Variants in NUDT9 observed in about 807,000 individuals in gnomAD.
NUDT9 encodes ADP-ribose pyrophosphatase.
NUDT9 carries 31 observed loss-of-function variants against 41.0 expected under a neutral mutation model. That is an observed-to-expected ratio of 0.76 (90% CI 0.57 to 1.02). The LOEUF (loss-of-function observed/expected upper bound fraction) is 1.02, where lower values mean the gene tolerates loss of function less well. Ranked by LOEUF, NUDT9 falls within the 50% of genes least tolerant of loss-of-function variation. The probability of loss-of-function intolerance (pLI) is 0.00; values close to 1 mark genes in which losing one functional copy is unlikely to be tolerated. For missense variants in NUDT9, 380 were observed against 431.4 expected, an observed-to-expected ratio of 0.88 and a Z score of 1.06; for synonymous variants, 146 against 147.6, an observed-to-expected ratio of 0.99 and a Z score of 0.08.
intron 1 of NUDT9, among the ~76,000 whole-genome samples, chr4:87,429,153 T>A (rs150794481): frequency 6.6e-6 from 1 of 151,960 alleles, no homozygotes; most frequent in African/African-American, 2.4e-5. Flanking sequence ...ATTAAAAAGG[T>A]TTCTTATTTT....
chr4:87,437,460 C>T (rs1227900117), intron 2 of NUDT9, among the ~76,000 whole-genome samples: 1 of 151,932 alleles, frequency 6.6e-6, no homozygotes, highest in Non-Finnish European at 1.5e-5. Context: ...CCTGCCTCAG[C>T]CTCCCGAGTA....
chr4:87,426,453 C>T (rs752764321), intron 1 of NUDT9, among the ~76,000 whole-genome samples: 7 of 151,430 alleles, frequency 4.6e-5, no homozygotes, highest in Non-Finnish European at 8.8e-5. Flanking sequence ...ACTGTCGCCC[C>T]AGCTGGTGTG....
At chr4:87,426,223 A>G (rs1211397351) in intron 1 of NUDT9, among the ~76,000 whole-genome samples, 8 of 152,100 alleles carry the variant, frequency 5.3e-5, no homozygotes, top group Admixed American at 5.2e-4. Context: ...TGATGTGTGT[A>G]GAATATTGTT....
intron 4 of NUDT9, among the ~76,000 whole-genome samples, chr4:87,447,441 T>C (rs974447715): frequency 6.6e-6 from 1 of 152,040 alleles, no homozygotes; most frequent in African/African-American, 2.4e-5. Flanking sequence ...GTAATACTTA[T>C]ATCATAGACC....
chr4:87,453,611 G>T (rs148332014), intron 6 of NUDT9, among the ~76,000 whole-genome samples: 10,619 of 151,822 alleles, frequency 0.07, 1,221 homozygotes, highest in African/African-American at 0.24. Flanking sequence ...TGTGTTTTTA[G>T]TAGAGACGAG....
intron 1 of NUDT9, among the ~76,000 whole-genome samples, chr4:87,424,413 G>A (rs889809425): frequency 1.3e-5 from 2 of 151,930 alleles, no homozygotes; most frequent in African/African-American, 2.4e-5. Flanking sequence ...GCGCGCGCAC[G>A]CCCGGCTAAT....
intron 4 of NUDT9, among the ~76,000 whole-genome samples, chr4:87,448,138 A>ATTTTTT (rs1213818782): frequency 2.1e-4 from 19 of 92,390 alleles, no homozygotes; most frequent in Non-Finnish European, 3.0e-4. Flanking sequence ...TTAAAAGCAA[A>ATTTTTT]TTTTTTTTTT....
In NUDT9 at chr4:87,438,150, A is replaced by C. The variant is rs527967538; in HGVS notation, c.348-127A>C. 35 of 490,532 alleles carry C rather than the reference A, an allele frequency of 7.1e-5. No individual in the cohort carries two copies. The South Asian group carries it at 1.0e-3, about 14-fold the overall frequency. 30.4% of individuals were successfully genotyped at this position (490,532 alleles called of 1,614,324 possible). On this transcript the variant is annotated intron_variant, in intron 2 of 7. Transcript: ENST00000302174. Reference sequence around the variant, plus strand: ...AAGATGGATTTGTGAAAAAAAAAAAAAAACTAACCCTTAAAAATTTATTGT... The same window carrying C: ...AAGATGGATTTGTGAAAAAAAAAAACAAACTAACCCTTAAAAATTTATTGT...
chr4:87,451,718 A>G lies in NUDT9; in HGVS notation c.772A>G (p.Ser258Gly). 21 of 1,613,896 alleles carry G rather than the reference A, an allele frequency of 1.3e-5. No individual in the cohort carries two copies. The highest frequency in any genetic ancestry group is 1.6e-5 in the Non-Finnish European group (19 of 1,179,926). The change falls in exon 6 of 8, where the codon AGC becomes GGC. Residue 258 changes from serine to glycine, a missense_variant. Coordinates refer to ENST00000302174, the MANE Select transcript of NUDT9 (RefSeq NM_024047.5). ...AGAGGAAAAGTTGCACAAACTCTTCAGCCAAGACCACCTAGTGGTAAGAAA... is the reference window on the plus strand; with the variant it reads ...AGAGGAAAAGTTGCACAAACTCTTCGGCCAAGACCACCTAGTGGTAAGAAA... ...EIEEKLHKLF[S>G]QDHLVIYKGY...
chr4:87,457,780 C>T lies in NUDT9; in HGVS notation c.875-63C>T, dbSNP rs536624895. ...GATTATTTTAAATAAGAATACTTGACGACATAGATATGCTAAAACAGAAAT... is the reference window on the plus strand; with the variant it reads ...GATTATTTTAAATAAGAATACTTGATGACATAGATATGCTAAAACAGAAAT... On this transcript the variant is annotated intron_variant, in intron 7 of 7. Coordinates refer to ENST00000302174, the MANE Select transcript of NUDT9 (RefSeq NM_024047.5). The T allele has an allele frequency of 3.0e-4, 419 of 1,411,140 alleles. 2 individuals are homozygous for T. Among genetic ancestry groups the T allele is most frequent in the African/African-American group, 2.4e-3 (167 of 68,724 alleles). 87.4% of individuals were successfully genotyped at this position (1,411,140 alleles called of 1,614,324 possible).
chr4:87,439,644 A>C (rs189340284), intron 3 of NUDT9, among the ~76,000 whole-genome samples: 22 of 152,226 alleles, frequency 1.4e-4, no homozygotes, highest in African/African-American at 5.3e-4. Context: ...CAACAGAGTG[A>C]GACTCCATCT....
chr4:87,430,859 AG>A (rs1303341461), intron 1 of NUDT9, among the ~76,000 whole-genome samples: 1 of 152,146 alleles, frequency 6.6e-6, no homozygotes, highest in Non-Finnish European at 1.5e-5. Flanking sequence ...GTGATTACCA[AG>A]TATCTTTTCC....
intron 4 of NUDT9, among the ~76,000 whole-genome samples, chr4:87,445,733 T>C (rs945961063): frequency 6.6e-6 from 1 of 152,222 alleles, no homozygotes; most frequent in African/African-American, 2.4e-5. Context: ...GGTTCGTCAA[T>C]TAAAATGATG....
At chr4:87,430,181 A>G (rs1293162887) in intron 1 of NUDT9, among the ~76,000 whole-genome samples, 2 of 152,232 alleles carry the variant, frequency 1.3e-5, no homozygotes, top group Non-Finnish European at 2.9e-5. Flanking sequence ...GAAGGGGGCC[A>G]TGAGCCACAG....
intron 7 of NUDT9, among the ~76,000 whole-genome samples, chr4:87,455,248 A>G (rs930229502): frequency 1.4e-4 from 22 of 152,160 alleles, no homozygotes; most frequent in Admixed American, 2.6e-4. Flanking sequence ...TGTCATTTCC[A>G]TATCCTGTGC....
chr4:87,434,739 C>T (rs193204697), intron 1 of NUDT9, among the ~76,000 whole-genome samples: 180 of 151,792 alleles, frequency 1.2e-3, no homozygotes, highest in African/African-American at 4.2e-3. Flanking sequence ...AAGTGATTCT[C>T]TTGCCTCAGC....
chr4:87,444,568 T>G (rs1369624958), intron 4 of NUDT9, among the ~76,000 whole-genome samples: 1 of 152,202 alleles, frequency 6.6e-6, no homozygotes, highest in Non-Finnish European at 1.5e-5. Flanking sequence ...GCAGTGTTAG[T>G]TTCTGATTTT....
chr4:87,448,442 C>T lies in NUDT9; in HGVS notation c.531-700C>T, dbSNP rs183980272. Among the ~76,000 whole-genome samples, 302 of 152,112 alleles carry T rather than the reference C, an allele frequency of 2.0e-3. 3 individuals are homozygous for T. The highest frequency in any genetic ancestry group is 6.8e-3 in the Middle Eastern group (2 of 294). On this transcript the variant is annotated intron_variant, in intron 4 of 7. Coordinates refer to ENST00000302174, the MANE Select transcript of NUDT9 (RefSeq NM_024047.5). ...TTCAGGTGTGAGTCACCACGCCTGG[C>T]CCAAAGCAAATCTTACCATGCCTTT...
intron 6 of NUDT9, among the ~76,000 whole-genome samples, chr4:87,452,809 GTT>G (rs376368372): frequency 0.12 from 12,785 of 110,348 alleles, 373 homozygotes; most frequent in East Asian, 0.23. Flanking sequence ...AAATAACAGA[GTT>G]TTTTTTTTTT....
Sources: allele counts gnomAD v4.1 joint callset (sites outside exome capture counted in the v4.1 genomes callset), GRCh38; gene constraint gnomAD v4.1.1; transcripts MANE v1.5; gene names NCBI Gene and HGNC (gene_info 2026-07-23, HGNC 2026-07-21).